TRRAP: variants seen among roughly 807,000 people sequenced by gnomAD.
TRRAP encodes transformation/transcription domain associated protein.
A neutral mutation model predicts 438.8 loss-of-function variants in TRRAP; 41 were observed. That is an observed-to-expected ratio of 0.09 (90% CI 0.07 to 0.12). The LOEUF (loss-of-function observed/expected upper bound fraction) is 0.12. Ranked by LOEUF, TRRAP falls within the 10% of genes least tolerant of loss-of-function variation. TRRAP has a pLI of 1.00. For missense variants in TRRAP, 3,122 were observed against 5,055.1 expected (o/e 0.62, Z 11.60); for synonymous variants, 1,994 against 1,962.9 (o/e 1.02, Z -0.42).
At position 98,914,544 on chromosome 7, in the gene TRRAP, G is replaced by A. The variant is rs531474759; in HGVS notation, c.2200-1179G>A. 1.3e-4 allele frequency among the ~76,000 whole-genome samples: 20 copies of A among 151,178 alleles called. No homozygotes were observed. The East Asian group carries it at 3.9e-3, about 29-fold the overall frequency. On this transcript the variant is annotated intron_variant, in intron 18 of 72. Transcript: ENST00000456197. Reference sequence around the variant, plus strand: ...AAAAAAGCCCAGAATAAAACCTATCGGGACAAATCGAATGTTGGAATGTGG... The same window carrying A: ...AAAAAAGCCCAGAATAAAACCTATCAGGACAAATCGAATGTTGGAATGTGG...
At chr7:98,902,747 A>G (rs1450021227) in intron 11 of TRRAP, among the ~76,000 whole-genome samples, 1 of 152,080 alleles carries the variant, frequency 6.6e-6, no homozygotes, top group African/African-American at 2.4e-5. Context: ...TGTTGTTCAC[A>G]ACTTACATTA....
chr7:98,931,785 G>T (rs1163294049), intron 26 of TRRAP, 120 bp downstream of exon 26: 1 of 1,409,582 alleles, frequency 7.1e-7, no homozygotes, highest in Non-Finnish European at 9.6e-7. Context: ...GTGGGGCCTT[G>T]GTTCCAGGAC....
intron 67 of TRRAP, among the ~76,000 whole-genome samples, chr7:99,000,328 A>G (rs1445444733): frequency 6.6e-6 from 1 of 152,158 alleles, no homozygotes; most frequent in Non-Finnish European, 1.5e-5. Flanking sequence ...TTTAGAGTGG[A>G]GTTCGTGCAG....
At chr7:98,950,843 T>C (rs1791301579) in intron 38 of TRRAP, 33 bp from the exon 39 acceptor site, 1 of 1,499,590 alleles carries the variant, frequency 6.7e-7, no homozygotes, top group Non-Finnish European at 8.9e-7. Context: ...ATGGCTTTGT[T>C]TTTCTCCTTC....
At chr7:98,953,091 T>G in intron 39 of TRRAP, 76 bp from the exon 40 acceptor site, 5 of 1,485,144 alleles carry the variant, frequency 3.4e-6, no homozygotes, top group Non-Finnish European at 4.5e-6. Flanking sequence ...TTTTAAGGCT[T>G]AAACCTGTCG....
In TRRAP at chr7:99,004,101, G is replaced by T; in HGVS notation, c.10310-89G>T. On this transcript the variant is annotated intron_variant, in intron 67 of 72. Coordinates refer to ENST00000456197, the MANE Select transcript of TRRAP (RefSeq NM_001375524.1). Reference sequence around the variant, plus strand: ...AACAAACAAACAAAACATGTAATTCGTAGCTGGTAGGGGCTTGAGCGTTTT... The same window carrying T: ...AACAAACAAACAAAACATGTAATTCTTAGCTGGTAGGGGCTTGAGCGTTTT... 4 of 1,230,216 alleles carry T rather than the reference G, an allele frequency of 3.3e-6. No individual in the cohort carries two copies. In the Middle Eastern group the frequency reaches 8.1e-4, roughly 249 times the overall value. 76.2% of individuals were successfully genotyped at this position (1,230,216 alleles called of 1,614,324 possible).
intron 51 of TRRAP, among the ~76,000 whole-genome samples, chr7:98,968,322 A>G (rs1365227769): frequency 1.3e-5 from 2 of 152,128 alleles, no homozygotes; most frequent in Non-Finnish European, 2.9e-5. Flanking sequence ...CCTGGCCCCC[A>G]TCATTCCTTA....
intron 66 of TRRAP, among the ~76,000 whole-genome samples, chr7:98,993,958 C>T (rs901641352): frequency 2.0e-5 from 3 of 152,210 alleles, no homozygotes; most frequent in Non-Finnish European, 2.9e-5. Flanking sequence ...GAGGAAGCCA[C>T]TTCTTGCTGT....
chr7:98,906,364 C>A (rs1434293774), intron 13 of TRRAP, 109 bp downstream of exon 13: 8 of 678,424 alleles, frequency 1.2e-5, no homozygotes, highest in African/African-American at 1.9e-5. Flanking sequence ...AGCCTTGACA[C>A]ACCTGTTAGG....
At chr7:98,997,360 A>T (rs897726444) in intron 67 of TRRAP, among the ~76,000 whole-genome samples, 7 of 151,904 alleles carry the variant, frequency 4.6e-5, no homozygotes, top group Non-Finnish European at 7.4e-5. Flanking sequence ...TTTCCAAAAA[A>T]TCTTACTTTA....
intron 11 of TRRAP, among the ~76,000 whole-genome samples, chr7:98,901,449 G>C (rs781878382): frequency 1.3e-5 from 2 of 152,248 alleles, no homozygotes; most frequent in Non-Finnish European, 2.9e-5. Flanking sequence ...ATCCACAGCA[G>C]TAGAATCCCA....
In TRRAP at chr7:98,953,285, G is replaced by A. The variant is rs1554418695; in HGVS notation, c.5582G>A (p.Arg1861His). Reference protein sequence around the residue: ...PHHIHDNNKNRNSKLRRLMTF... With the variant: ...PHHIHDNNKNHNSKLRRLMTF... ...CACATCCATGACAACAACAAGAACC[G>A]CAACAGCAAGCTGCGCCGCCTCATG... Residue 1861 changes from arginine (R) to histidine (H), a missense_variant, in exon 40 of 73, where the codon CGC becomes CAC. Transcript: ENST00000456197. 1.9e-6 allele frequency: 3 copies of A among 1,613,668 alleles called. No individual in the cohort carries two copies. Among genetic ancestry groups the A allele is most frequent in the African/African-American group, 1.3e-5 (1 of 74,830 alleles).
At position 98,965,578 on chromosome 7, in the gene TRRAP, G is replaced by A; in HGVS notation, c.6977-118G>A. 5 of 1,401,584 alleles carry A rather than the reference G, an allele frequency of 3.6e-6. No homozygotes were observed. In the Admixed American group the frequency reaches 9.4e-5, roughly 26 times the overall value. The allele number at this position is 1,401,584 out of a possible 1,614,324, so 86.8% of individuals were successfully genotyped here. ...TTCAAATCCCAGAGCTCTAGTTGCA[G>A]GAAAAAACATTGAGGGGGAAAATGG... On this transcript the variant is annotated intron_variant, in intron 48 of 72. Transcript: ENST00000456197.
chr7:98,948,694 T>A lies in TRRAP; in HGVS notation c.4788+9T>A, dbSNP rs1554417444. 1.2e-6 allele frequency: 2 copies of A among 1,614,192 alleles called. No homozygotes were observed. The highest frequency in any genetic ancestry group is 1.7e-6 in the Non-Finnish European group (2 of 1,180,040). ...GGAGCAGAATGTTTATGGTAAGAGC[T>A]GTGAGCAGCTGGAGTCAGGGGTCCC... On this transcript the variant is annotated intron_variant, in intron 35 of 72. Coordinates refer to ENST00000456197, the MANE Select transcript of TRRAP (RefSeq NM_001375524.1). This position sits in a 1 kb window ranked among gnomAD's most constrained non-coding sequence, Gnocchi z 4.9.
chr7:98,922,065 G>T (rs1554410720), intron 21 of TRRAP, 112 bp downstream of exon 21: 2 of 1,410,750 alleles, frequency 1.4e-6, no homozygotes, highest in South Asian at 1.3e-5. Flanking sequence ...AGTAGAACCA[G>T]TTGTATCAGG....
In TRRAP at chr7:99,009,265, C is replaced by T. The variant is rs752600613; in HGVS notation, c.10938+704C>T. ...TGTTTTGGCCTCTCCCTGGGTGCCC[C>T]GTGGTCCTTTCTATGGGTCCCAAGA... On this transcript the variant is annotated intron_variant, in intron 70 of 72. Coordinates refer to ENST00000456197, the MANE Select transcript of TRRAP (RefSeq NM_001375524.1). Among the ~76,000 whole-genome samples, 10 of 152,076 alleles carry T rather than the reference C, an allele frequency of 6.6e-5. No individual in the cohort carries two copies. The East Asian group carries it at 7.7e-4, about 12-fold the overall frequency.
intron 1 of TRRAP, among the ~76,000 whole-genome samples, chr7:98,880,436 G>T (rs182174113): frequency 0.018 from 2,680 of 151,884 alleles, 81 homozygotes; most frequent in African/African-American, 0.06. Flanking sequence ...GCTAATTTTT[G>T]TATTTTTAGT....
At chr7:98,961,738 G>A (rs1030563855) in intron 46 of TRRAP, among the ~76,000 whole-genome samples, 2 of 152,154 alleles carry the variant, frequency 1.3e-5, no homozygotes, top group African/African-American at 4.8e-5. Context: ...TGACCAACGT[G>A]GAGAAACCCC....
intron 13 of TRRAP, 152 bp downstream of exon 13, chr7:98,906,407 TTTA>T (rs2116384836): frequency 6.0e-5 from 1 of 16,624 alleles, no homozygotes; most frequent in Non-Finnish European, 2.8e-4. Context: ...TTTTGTTTTA[TTTA>T]TTTATTTATT....
Sources: allele counts gnomAD v4.1 joint callset (sites outside exome capture counted in the v4.1 genomes callset), GRCh38; gene constraint gnomAD v4.1.1; non-coding constraint Gnocchi (gnomAD v3.1); transcripts MANE v1.5; gene names NCBI Gene and HGNC (gene_info 2026-07-23, HGNC 2026-07-21).